NTN4: variants seen among roughly 807,000 people sequenced by gnomAD.
The protein encoded by NTN4 is netrin-4.
Under a neutral mutation model 73.6 loss-of-function variants are expected in NTN4, and 32 were observed. That is an observed-to-expected ratio of 0.44 (90% CI 0.33 to 0.58). NTN4 has a LOEUF of 0.58. Among genes scored for constraint, NTN4 ranks in the 20% least tolerant of loss-of-function variants. NTN4 has a pLI of 0.04. For synonymous variants in NTN4, 258 were observed against 287.5 expected (o/e 0.90, Z 1.04); for missense variants, 654 against 798.3 (o/e 0.82, Z 2.18).
At chr12:95,769,209 G>A (rs1019758047) in intron 2 of NTN4, among the ~76,000 whole-genome samples, 9 of 152,224 alleles carry the variant, frequency 5.9e-5, no homozygotes, top group East Asian at 3.9e-4. Context: ...CTGTCTAGCC[G>A]AAGGAGCAAG....
At chr12:95,704,344 T>G (rs2078508298) in intron 5 of NTN4, among the ~76,000 whole-genome samples, 1 of 152,212 alleles carries the variant, frequency 6.6e-6, no homozygotes, top group Admixed American at 6.5e-5. Context: ...CTTGTTTTCT[T>G]GATACTACCT....
At chr12:95,735,285 G>A (rs781536859) in intron 3 of NTN4, among the ~76,000 whole-genome samples, 14 of 152,078 alleles carry the variant, frequency 9.2e-5, no homozygotes, top group Non-Finnish European at 1.5e-4. Flanking sequence ...CAAGAATTGT[G>A]ATGGAACTGG....
At chr12:95,771,456 A>C (rs989946846) in intron 2 of NTN4, among the ~76,000 whole-genome samples, 1 of 152,214 alleles carries the variant, frequency 6.6e-6, no homozygotes. Flanking sequence ...ATTTTTAAAA[A>C]ATTCTGCACA....
intron 8 of NTN4, among the ~76,000 whole-genome samples, chr12:95,666,391 AACC>A (rs1246975703): frequency 6.6e-6 from 1 of 152,180 alleles, no homozygotes; most frequent in Non-Finnish European, 1.5e-5. Flanking sequence ...TGTAACCAAA[AACC>A]ACCTGTTCCC....
intron 3 of NTN4, among the ~76,000 whole-genome samples, chr12:95,718,104 GT>G (rs767151643): frequency 6.6e-6 from 1 of 152,194 alleles, no homozygotes; most frequent in Non-Finnish European, 1.5e-5. Flanking sequence ...GTTAAGAGCT[GT>G]TTACTTTGGT....
chr12:95,790,423 T>C lies in NTN4; in HGVS notation c.-114A>G, dbSNP rs976090367. 4.4e-4 allele frequency: 397 copies of C among 901,024 alleles called. 1 individual carries two copies. The highest frequency in any genetic ancestry group is 5.2e-4 in the Non-Finnish European group (333 of 642,776). 55.8% of individuals were successfully genotyped at this position (901,024 alleles called of 1,614,324 possible). A position where few individuals can be genotyped will look rare whatever the true frequency, so the allele number is the denominator to read the frequency against. On this transcript the variant is annotated 5_prime_UTR_variant, in exon 1 of 10. Transcript: ENST00000343702. This position sits in a 1 kb window ranked among gnomAD's most constrained non-coding sequence, Gnocchi z 6.5. ...GGGAGGGAACGGGGCCCTGGTTTCT[T>C]CCTCCTCCTGGGGCGCCGGGCTCGG...
intron 3 of NTN4, among the ~76,000 whole-genome samples, chr12:95,734,349 CAT>C (rs2078760233): frequency 6.6e-6 from 1 of 152,152 alleles, no homozygotes; most frequent in African/African-American, 2.4e-5. Context: ...GGTTGTTAAA[CAT>C]AGATTCTTAG....
At chr12:95,713,931 T>G (rs1381159751) in intron 3 of NTN4, among the ~76,000 whole-genome samples, 1 of 152,184 alleles carries the variant, frequency 6.6e-6, no homozygotes, top group Non-Finnish European at 1.5e-5. Flanking sequence ...ATATATTATA[T>G]TCAATGCTAT....
At chr12:95,768,530 C>T (rs1015614759) in intron 2 of NTN4, among the ~76,000 whole-genome samples, 3 of 151,948 alleles carry the variant, frequency 2.0e-5, no homozygotes, top group Non-Finnish European at 4.4e-5. Flanking sequence ...CAGCTAGAGG[C>T]TACAGCTCAG....
At chr12:95,743,265 A>AT (rs143890933) in intron 2 of NTN4, among the ~76,000 whole-genome samples, 37,656 of 151,648 alleles carry the variant, frequency 0.25, 5,131 homozygotes, top group Non-Finnish European at 0.32. Flanking sequence ...TGTTTTAATG[A>AT]TTTTCTCTAT....
At chr12:95,707,334 A>T (rs1284166228) in intron 5 of NTN4, among the ~76,000 whole-genome samples, 3 of 152,064 alleles carry the variant, frequency 2.0e-5, no homozygotes, top group Non-Finnish European at 4.4e-5. Flanking sequence ...CCTTTGTCAC[A>T]TCAGGCACCT....
rs537188561 is a variant in NTN4, at chr12:95,693,586, C to T, written c.1181-9875G>A. Among the ~76,000 whole-genome samples, 43 of 151,684 alleles carry T rather than the reference C, an allele frequency of 2.8e-4. No homozygotes were observed. In the South Asian group the frequency reaches 4.2e-3, roughly 15 times the overall value. ...TCTCTACTAAAAATACAAAAATTAG[C>T]TGGGTATGGTGGTGCATCCCTGTAA... is the stretch of plus-strand genomic sequence containing the variant. On this transcript the variant is annotated intron_variant, in intron 5 of 9. Coordinates refer to ENST00000343702, the MANE Select transcript of NTN4 (RefSeq NM_021229.4).
At chr12:95,733,469 A>G (rs993436137) in intron 3 of NTN4, among the ~76,000 whole-genome samples, 4 of 152,230 alleles carry the variant, frequency 2.6e-5, no homozygotes, top group Non-Finnish European at 2.9e-5. Context: ...CATGACAGCA[A>G]TGTAAGTAGT....
At chr12:95,715,977 T>C (rs1305612040) in intron 3 of NTN4, among the ~76,000 whole-genome samples, 2 of 151,640 alleles carry the variant, frequency 1.3e-5, no homozygotes, top group Non-Finnish European at 2.9e-5. Flanking sequence ...CTTCCGAGGC[T>C]GAAGAATTTA....
At position 95,790,164 on chromosome 12, in the gene NTN4, G is replaced by C. The variant is rs2079197663; in HGVS notation, c.55+91C>G. ...CCCTCGGGAGCAGCGCTCTGCGCTC[G>C]CAGCCCTGGCTCCCCTGCACCCCCG... On this transcript the variant is annotated intron_variant, in intron 1 of 9. Transcript: ENST00000343702. The surrounding 1 kb of genome is among the most constrained non-coding windows in gnomAD (Gnocchi z 6.5). 1.7e-6 allele frequency: 2 copies of C among 1,165,518 alleles called. No individual in the cohort carries two copies. The highest frequency in any genetic ancestry group is 2.4e-6 in the Non-Finnish European group (2 of 836,860). The allele number at this position is 1,165,518 out of a possible 1,614,324, so 72.2% of individuals were successfully genotyped here. A position where few individuals can be genotyped will look rare whatever the true frequency, so the allele number is the denominator to read the frequency against.
intron 7 of NTN4, 98 bp downstream of exon 7, chr12:95,682,609 C>T: frequency 4.3e-6 from 3 of 704,284 alleles, no homozygotes; most frequent in Non-Finnish European, 7.4e-6. Context: ...CTAAAGAGTT[C>T]CCCTCATAGG....
At chr12:95,735,442 A>G (rs1464434509) in intron 3 of NTN4, among the ~76,000 whole-genome samples, 1 of 152,156 alleles carries the variant, frequency 6.6e-6, no homozygotes, top group East Asian at 1.9e-4. Flanking sequence ...GCACAAATTG[A>G]AATCAGTATG....
In NTN4 at chr12:95,665,844, C is replaced by T. The variant is rs192893235; in HGVS notation, c.1716G>A (p.Thr572=). The change falls in exon 9 of 10, where the codon ACG becomes ACA. Residue 572 remains threonine, a synonymous_variant. Transcript: ENST00000343702. Reference sequence around the variant, plus strand: ...GGATTGGACAAGTGCATCCTCTGTCCGTCCATGATTCTGGATATAATGTTC... The same window carrying T: ...GGATTGGACAAGTGCATCCTCTGTCTGTCCATGATTCTGGATATAATGTTC... ...GKRTLYPESW[T]DRGCTCPILN... 42 of 1,613,808 alleles carry T rather than the reference C, an allele frequency of 2.6e-5. No homozygotes were observed. The highest frequency in any genetic ancestry group is 1.3e-4 in the African/African-American group (10 of 75,014).
intron 2 of NTN4, among the ~76,000 whole-genome samples, chr12:95,743,096 G>T (rs1461234145): frequency 6.6e-6 from 1 of 152,108 alleles, no homozygotes; most frequent in Non-Finnish European, 1.5e-5. Flanking sequence ...GATCAGGCAG[G>T]TATAGCAAAC....
Sources: allele counts gnomAD v4.1 joint callset (sites outside exome capture counted in the v4.1 genomes callset), GRCh38; gene constraint gnomAD v4.1.1; non-coding constraint Gnocchi (gnomAD v3.1); transcripts MANE v1.5; gene names NCBI Gene and HGNC (gene_info 2026-07-23, HGNC 2026-07-21).